The following RGL1 variants were observed in gnomAD, a reference collection of about 807,000 sequenced individuals.
The protein encoded by RGL1 is ral guanine nucleotide dissociation stimulator like 1, also known as ral guanine nucleotide dissociation stimulator-like 1.
RGL1 carries 24 observed loss-of-function variants against 95.2 expected under a neutral mutation model. That is an observed-to-expected ratio of 0.25 (90% CI 0.18 to 0.35). RGL1 has a LOEUF of 0.35. RGL1 is among the 10% of genes least tolerant of loss of function. The pLI is 1.00. For missense variants in RGL1, 715 were observed against 936.3 expected (o/e 0.76, Z 3.08); for synonymous variants, 329 against 344.9 (o/e 0.95, Z 0.51).
chr1:183,661,081 A>C (rs1306516089), intron 1 of RGL1, among the ~76,000 whole-genome samples: 3 of 152,314 alleles, frequency 2.0e-5, no homozygotes, highest in Middle Eastern at 3.4e-3. Context: ...AATTTATAGC[A>C]CTAAATGCCC....
chr1:183,860,320 A>T (rs180869885), intron 3 of RGL1, among the ~76,000 whole-genome samples: 2 of 152,272 alleles, frequency 1.3e-5, no homozygotes, highest in Non-Finnish European at 2.9e-5. Flanking sequence ...TTTATTGTCT[A>T]CTTTGTGCAG....
upstream of RGL1, among the ~76,000 whole-genome samples, chr1:183,802,720 A>G (rs1316713738): frequency 1.3e-5 from 2 of 152,220 alleles, no homozygotes; most frequent in African/African-American, 4.8e-5. Flanking sequence ...AAATTTACAA[A>G]GCAATCCCAT....
intron 1 of RGL1, among the ~76,000 whole-genome samples, chr1:183,651,093 T>C (rs1308580155): frequency 6.6e-6 from 1 of 152,228 alleles, no homozygotes; most frequent in African/African-American, 2.4e-5. Context: ...GCCAATGTTA[T>C]TTTAATTGCA....
At chr1:183,641,171 G>GTTAAATAA (rs1288627087) in intron 1 of RGL1, among the ~76,000 whole-genome samples, 1 of 152,106 alleles carries the variant, frequency 6.6e-6, no homozygotes, top group Non-Finnish European at 1.5e-5. Flanking sequence ...ATCTCACTCT[G>GTTAAATAA]TTGCCTAGGC....
intron 2 of RGL1, among the ~76,000 whole-genome samples, chr1:183,809,901 G>A (rs969435398): frequency 9.2e-5 from 14 of 152,192 alleles, no homozygotes; most frequent in Non-Finnish European, 1.5e-4. Context: ...AGGCTGTAGC[G>A]AGCCATGATT....
At chr1:183,901,643 T>TTC (rs1385795466) in intron 11 of RGL1, among the ~76,000 whole-genome samples, 2 of 152,046 alleles carry the variant, frequency 1.3e-5, no homozygotes, top group African/African-American at 4.8e-5. Flanking sequence ...TGGGGTATTT[T>TTC]TCTCTCTCTC....
In RGL1 at chr1:183,909,231, C is replaced by G. The variant is rs79927682; in HGVS notation, c.1562+2130C>G. 2.0e-5 allele frequency among the ~76,000 whole-genome samples: 3 copies of G among 152,334 alleles called. No individual in the cohort carries two copies. In the East Asian group the frequency reaches 5.8e-4, roughly 29 times the overall value. ...TCAAAAGATTTCATGATCTTCTTAG[C>G]ATGTTTACAAATCTGGGAAATGCAT... On this transcript the variant is annotated intron_variant, in intron 14 of 17. Coordinates refer to ENST00000360851, the MANE Select transcript of RGL1 (RefSeq NM_001297671.3).
intron 1 of RGL1, among the ~76,000 whole-genome samples, chr1:183,683,579 T>C (rs571728906): frequency 7.2e-5 from 11 of 152,348 alleles, no homozygotes; most frequent in African/African-American, 2.4e-4. Context: ...CCGACCTTTC[T>C]TTCTGGTTGC....
chr1:183,708,102 C>T (rs1032072272), intron 1 of RGL1, among the ~76,000 whole-genome samples: 3 of 152,104 alleles, frequency 2.0e-5, no homozygotes, highest in African/African-American at 4.8e-5. Context: ...TTATGTAATT[C>T]GTACTGTGGC....
chr1:183,746,022 ATTT>A (rs34076328), intron 2 of RGL1, among the ~76,000 whole-genome samples: 1 of 143,670 alleles, frequency 7.0e-6, no homozygotes. Context: ...CCTTCAATTC[ATTT>A]TTTTTTTTTT....
At chr1:183,663,644 A>T (rs999395446) in intron 1 of RGL1, among the ~76,000 whole-genome samples, 6 of 151,976 alleles carry the variant, frequency 3.9e-5, no homozygotes, top group Non-Finnish European at 7.4e-5. Flanking sequence ...CCCTTGTGGA[A>T]GTCAGTGTGG....
chr1:183,880,008 A>G (rs1288209936), intron 4 of RGL1, among the ~76,000 whole-genome samples: 1 of 152,172 alleles, frequency 6.6e-6, no homozygotes, highest in African/African-American at 2.4e-5. Context: ...TAAAGACATA[A>G]CTTCTCTACC....
chr1:183,695,081 C>T (rs1654175667), intron 1 of RGL1, among the ~76,000 whole-genome samples: 1 of 152,180 alleles, frequency 6.6e-6, no homozygotes, highest in Non-Finnish European at 1.5e-5. Context: ...AGAGCTGAAG[C>T]CATGTAAGTG....
intron 1 of RGL1, among the ~76,000 whole-genome samples, chr1:183,638,841 A>T (rs962543802): frequency 6.6e-6 from 1 of 152,198 alleles, no homozygotes; most frequent in African/African-American, 2.4e-5. Context: ...ATTTTCTGTG[A>T]TGATGCAAAC....
rs1174237900 is a variant in RGL1, at chr1:183,908,907, C to G, written c.1562+1806C>G. Among the ~76,000 whole-genome samples the G allele has an allele frequency of 5.9e-5, 9 of 152,196 alleles. No homozygotes were observed. In the East Asian group the frequency reaches 1.5e-3, roughly 26 times the overall value. On this transcript the variant is annotated intron_variant, in intron 14 of 17. Coordinates refer to ENST00000360851, the MANE Select transcript of RGL1 (RefSeq NM_001297671.3). The stretch of plus-strand genomic sequence containing the variant: ...GCTTCTCTGTACTCCTCTCCAAGCC[C>G]GGGATCTATATGTTTTGTGGTGGGA...
intron 2 of RGL1, among the ~76,000 whole-genome samples, chr1:183,788,229 C>T (rs899346908): frequency 2.6e-5 from 4 of 152,158 alleles, no homozygotes; most frequent in African/African-American, 9.7e-5. Flanking sequence ...CTGTCTGCAA[C>T]CAGCAGCGAA....
chr1:183,787,827 A>T (rs1260795803), intron 2 of RGL1, among the ~76,000 whole-genome samples: 3 of 145,664 alleles, frequency 2.1e-5, no homozygotes, highest in African/African-American at 7.6e-5. Flanking sequence ...AAACAAAAAC[A>T]AAAAAAAAAG....
intron 1 of RGL1, among the ~76,000 whole-genome samples, chr1:183,663,312 A>G (rs1296305348): frequency 2.0e-5 from 3 of 151,210 alleles, no homozygotes; most frequent in African/African-American, 4.9e-5. Flanking sequence ...CAACCTACTC[A>G]TCTGACAAAG....
chr1:183,920,572 A>G (rs1269785211), intron 16 of RGL1, among the ~76,000 whole-genome samples: 2 of 152,188 alleles, frequency 1.3e-5, no homozygotes, highest in Non-Finnish European at 2.9e-5. Context: ...AGTTTAAGGA[A>G]AGGAGAATGA....
Sources: allele counts gnomAD v4.1 joint callset (sites outside exome capture counted in the v4.1 genomes callset), GRCh38; gene constraint gnomAD v4.1.1; transcripts MANE v1.5; gene names NCBI Gene and HGNC (gene_info 2026-07-23, HGNC 2026-07-21).